The following CDH12 variants were observed in gnomAD, a reference collection of about 807,000 sequenced individuals.
CDH12 encodes cadherin-12.
In CDH12, 41 loss-of-function variants were observed where a neutral mutation model predicts 74.1. The observed-to-expected ratio is 0.55, with a 90% CI of 0.43 to 0.72. CDH12 has a LOEUF of 0.72. Ranked by LOEUF, CDH12 falls within the 30% of genes least tolerant of loss-of-function variation. CDH12 has a pLI of 0.00. For synonymous variants in CDH12, 399 were observed against 355.0 expected, an observed-to-expected ratio of 1.12 and a Z score of -1.39; for missense variants, 945 against 977.2, an observed-to-expected ratio of 0.97 and a Z score of 0.44.
intron 4 of CDH12, among the ~76,000 whole-genome samples, chr5:22,090,594 C>CACAT (rs1297710277): frequency 3.6e-5 from 5 of 139,840 alleles, no homozygotes; most frequent in Non-Finnish European, 7.6e-5. Context: ...TAAACACACA[C>CACAT]ACATACATAC....
At chr5:21,976,058 G>A (rs1188183509) in intron 5 of CDH12, among the ~76,000 whole-genome samples, 1 of 152,066 alleles carries the variant, frequency 6.6e-6, no homozygotes, top group South Asian at 2.1e-4. Flanking sequence ...CAAATCAAGA[G>A]GTTTTCAGTG....
chr5:21,757,851 T>A (rs1411437168), intron 13 of CDH12, among the ~76,000 whole-genome samples: 1 of 152,182 alleles, frequency 6.6e-6, no homozygotes, highest in Admixed American at 6.5e-5. Context: ...TATACACATA[T>A]TGAATCTAGG....
chr5:22,031,961 C>A (rs1738850781), intron 5 of CDH12, among the ~76,000 whole-genome samples: 1 of 151,828 alleles, frequency 6.6e-6, no homozygotes, highest in African/African-American at 2.4e-5. Flanking sequence ...AAAAATGGCG[C>A]TGATAGACTT....
intron 1 of CDH12, among the ~76,000 whole-genome samples, chr5:22,529,316 C>T (rs994015892): frequency 9.3e-5 from 14 of 150,426 alleles, no homozygotes; most frequent in African/African-American, 3.4e-4. Context: ...AGCTGGTGAC[C>T]CAGAAGAGCC....
intron 4 of CDH12, among the ~76,000 whole-genome samples, chr5:22,114,318 T>C (rs1381963285): frequency 6.6e-6 from 1 of 152,184 alleles, no homozygotes; most frequent in African/African-American, 2.4e-5. Context: ...TATAAAAATA[T>C]ATCATTTTTT....
Position 22,213,634 on chromosome 5 carries a change from C to T in CDH12, c.-332-991G>A, listed in dbSNP as rs572391341. On this transcript the variant is annotated intron_variant, in intron 3 of 14. Coordinates refer to ENST00000382254, the MANE Select transcript of CDH12 (RefSeq NM_004061.5). ...ACTTCCTCATCAAGTTCCTAGTTCCCTGAAGAGATCTAACTCTCTGGAAAA... is the reference window on the plus strand; with the variant it reads ...ACTTCCTCATCAAGTTCCTAGTTCCTTGAAGAGATCTAACTCTCTGGAAAA... 2.0e-5 allele frequency: 3 copies of T among 152,248 alleles called. No individual in the cohort carries two copies. In the East Asian group the frequency reaches 5.8e-4, roughly 30 times the overall value. 9.4% of individuals were successfully genotyped at this position (152,248 alleles called of 1,614,324 possible).
chr5:22,047,112 TCTC>T (rs758331564), intron 5 of CDH12, among the ~76,000 whole-genome samples: 2 of 152,156 alleles, frequency 1.3e-5, no homozygotes, highest in African/African-American at 2.4e-5. Flanking sequence ...AGCAAGCTGG[TCTC>T]CTGAAGATTC....
chr5:22,735,317 A>G (rs560271844), intron 1 of CDH12, among the ~76,000 whole-genome samples: 73 of 152,056 alleles, frequency 4.8e-4, no homozygotes, highest in Admixed American at 3.7e-3. Flanking sequence ...GAAACTAGCC[A>G]TTTAATGATA....
intron 5 of CDH12, among the ~76,000 whole-genome samples, chr5:22,054,488 T>C (rs2150197702): frequency 1.3e-5 from 2 of 152,238 alleles, no homozygotes; most frequent in East Asian, 1.9e-4. Flanking sequence ...AAAGAACTAA[T>C]AGAATGGCCT....
chr5:22,404,023 A>G (rs1742837531), intron 3 of CDH12, among the ~76,000 whole-genome samples: 1 of 152,166 alleles, frequency 6.6e-6, no homozygotes, highest in Non-Finnish European at 1.5e-5. Flanking sequence ...GGGGAATGCT[A>G]AAATTGAACA....
At chr5:22,399,589 T>A (rs1210311963) in intron 3 of CDH12, among the ~76,000 whole-genome samples, 1 of 152,024 alleles carries the variant, frequency 6.6e-6, no homozygotes, top group Non-Finnish European at 1.5e-5. Flanking sequence ...CCAGAGGCCA[T>A]AGAGAACAAT....
At chr5:21,937,298 G>C (rs1013879210) in intron 6 of CDH12, among the ~76,000 whole-genome samples, 2 of 152,136 alleles carry the variant, frequency 1.3e-5, no homozygotes, top group Admixed American at 1.3e-4. Flanking sequence ...TTAAGAAAGA[G>C]AATAGTGTGA....
chr5:22,117,847 C>T lies in CDH12; in HGVS notation c.-186-38985G>A, dbSNP rs149242609. Among the ~76,000 whole-genome samples the T allele has an allele frequency of 2.6e-5, 4 of 151,518 alleles. No homozygotes were observed. The East Asian group carries it at 7.8e-4, about 30-fold the overall frequency. The stretch of plus-strand genomic sequence containing the variant: ...AAATGTAATGTTATAATGAGAAAAC[C>T]TTCCCTTGTTGTTTCCTTTAGAGTA... On this transcript the variant is annotated intron_variant, in intron 4 of 14. Transcript: ENST00000382254.
At chr5:22,109,424 T>C (rs1744686937) in intron 4 of CDH12, among the ~76,000 whole-genome samples, 1 of 152,190 alleles carries the variant, frequency 6.6e-6, no homozygotes, top group Non-Finnish European at 1.5e-5. Context: ...CTTGGTCTTT[T>C]TCACATCACC....
In CDH12 at chr5:22,049,934, TTTTA is replaced by T. The variant is rs532249212; in HGVS notation, c.231+28508_231+28511del. Reference sequence around the variant, plus strand: ...AGTGAAATCGTGGTAATTTCCATCCTTTTATTTAAACTCTCTATAAAATATATCC... The same window carrying T: ...AGTGAAATCGTGGTAATTTCCATCCTTTTAAACTCTCTATAAAATATATCC... On this transcript the variant is annotated intron_variant, in intron 5 of 14. Coordinates refer to ENST00000382254, the MANE Select transcript of CDH12 (RefSeq NM_004061.5). Among the ~76,000 whole-genome samples the T allele has an allele frequency of 4.1e-3, 631 of 152,286 alleles. 5 individuals are homozygous for T. Among genetic ancestry groups the T allele is most frequent in the African/African-American group, 0.015 (605 of 41,564 alleles).
chr5:21,863,400 T>C (rs1204378229), intron 6 of CDH12, among the ~76,000 whole-genome samples: 1 of 152,172 alleles, frequency 6.6e-6, no homozygotes, highest in African/African-American at 2.4e-5. Flanking sequence ...TTAGAATATT[T>C]TGAGCTTTCA....
intron 3 of CDH12, among the ~76,000 whole-genome samples, chr5:22,388,573 G>T (rs1742099867): frequency 1.3e-5 from 2 of 151,972 alleles, no homozygotes; most frequent in Non-Finnish European, 2.9e-5. Context: ...ATTATTTTTT[G>T]ATAACAACAC....
chr5:22,075,057 A>C (rs1742210652), intron 5 of CDH12, among the ~76,000 whole-genome samples: 1 of 152,090 alleles, frequency 6.6e-6, no homozygotes, highest in African/African-American at 2.4e-5. Flanking sequence ...CTTGGAATCG[A>C]CCCAAATGTC....
intron 3 of CDH12, among the ~76,000 whole-genome samples, chr5:22,214,667 G>T (rs372442266): frequency 6.6e-6 from 1 of 152,122 alleles, no homozygotes; most frequent in Non-Finnish European, 1.5e-5. Flanking sequence ...TTATTAAAAC[G>T]TTAAGACAGG....
Sources: gnomAD v4.1 joint callset for allele counts (sites outside exome capture counted in the v4.1 genomes callset) on GRCh38, gnomAD v4.1.1 for gene constraint, MANE v1.5 for transcripts, NCBI Gene and HGNC (gene_info 2026-07-23, HGNC 2026-07-21) for gene names.